The following QRICH2 variants were observed in gnomAD, a reference collection of about 807,000 sequenced individuals.
QRICH2 encodes the protein glutamine rich 2.
Under a neutral mutation model 168.3 loss-of-function variants are expected in QRICH2, and 119 were observed. The observed-to-expected ratio is 0.71, with a 90% confidence interval of 0.61 to 0.82. QRICH2 has a LOEUF of 0.82. Among genes scored for constraint, QRICH2 ranks in the 40% least tolerant of loss-of-function variants. QRICH2 has a pLI of 0.00. For synonymous variants in QRICH2, 894 were observed against 951.2 expected (o/e 0.94, Z 1.11); for missense variants, 2,241 against 2,491.6 (o/e 0.90, Z 2.14).
At position 76,308,276 on chromosome 17, in the gene QRICH2, T is replaced by C. The variant is rs1314353705; in HGVS notation, c.-278A>G. On this transcript the variant is annotated 5_prime_UTR_variant, in exon 1 of 19. Coordinates refer to ENST00000680821, the MANE Select transcript of QRICH2 (RefSeq NM_001388453.1). ...CCCAGTCCCCGCGCCGGCGGACGTT[T>C]GAAACGTGGGGGCCCCCGCGTGCCC... 9.1e-6 allele frequency: 9 copies of C among 985,234 alleles called. No individual in the cohort carries two copies. Among genetic ancestry groups the C allele is most frequent in the East Asian group, 1.1e-4 (1 of 8,812 alleles). The allele number at this position is 985,234 out of a possible 1,614,324, so 61.0% of individuals were successfully genotyped here. A position where few individuals can be genotyped will look rare whatever the true frequency, so the allele number is the denominator to read the frequency against.
At chr17:76,305,121 T>G (rs959902681) in intron 1 of QRICH2, among the ~76,000 whole-genome samples, 180 bp from the exon 2 acceptor site, 3 of 150,918 alleles carry the variant, frequency 2.0e-5, no homozygotes, top group Middle Eastern at 7.1e-3. Flanking sequence ...GTGGCTCTTA[T>G]GGAAAGGGAG....
intron 12 of QRICH2, 35 bp downstream of exon 12, chr17:76,279,998 C>A (rs762882341): frequency 3.2e-6 from 5 of 1,571,192 alleles, no homozygotes; most frequent in Non-Finnish European, 4.3e-6. Context: ...CCCTGAAGAG[C>A]GTGCCAGCCT....
chr17:76,293,601 C>T lies in QRICH2; in HGVS notation c.1126G>A (p.Val376Met). The change falls in exon 4 of 19, where the codon GTG becomes ATG. Residue 376 changes from valine to methionine, a missense_variant. Physicochemically the swap from Val to Met is conservative, Grantham distance 21. Around this residue, in one of 3 missense-constraint regions of QRICH2, gnomAD observed 2,047 missense variants for 2,303.8 expected, o/e 0.89. Transcript: ENST00000680821. ...LPLARDQPSS[V>M]PASQSQVHLR... is the part of the protein sequence containing the mutation. ...TGGACCTGACTCTGGCTAGCGGGCA[C>T]ACTACTGGGCTGGTCTCTGGCCAAG... The T allele has an allele frequency of 6.2e-7, 1 of 1,614,176 alleles. No homozygotes were observed. The highest frequency in any genetic ancestry group is 8.5e-7 in the Non-Finnish European group (1 of 1,180,034).
chr17:76,294,045 T>A lies in QRICH2; in HGVS notation c.706-24A>T, dbSNP rs767840231. ...CCCTGGTTGGAGAGGAAGAAGGAAATCAATAACAGTCAAAATATTCACTAT... is the reference window on the plus strand; with the variant it reads ...CCCTGGTTGGAGAGGAAGAAGGAAAACAATAACAGTCAAAATATTCACTAT... On this transcript the variant is annotated intron_variant, in intron 3 of 18. Transcript: ENST00000680821. 1.5e-5 allele frequency: 23 copies of A among 1,560,594 alleles called. No homozygotes were observed. In the African/African-American group the frequency reaches 2.9e-4, roughly 20 times the overall value.
At chr17:76,275,651 G>A (rs1321337889) in intron 18 of QRICH2, among the ~76,000 whole-genome samples, 168 bp downstream of exon 18, 1 of 152,230 alleles carries the variant, frequency 6.6e-6, no homozygotes, top group Non-Finnish European at 1.5e-5. Flanking sequence ...CCCAGAAGGG[G>A]CACAAATCAC....
In QRICH2 at chr17:76,307,989, C is replaced by T; in HGVS notation, c.10G>A (p.Ala4Thr). Residue 4 changes from alanine (A) to threonine (T), a missense_variant, in exon 1 of 19, where the codon GCG becomes ACG. Around this residue, in one of 3 missense-constraint regions of QRICH2, gnomAD observed 2,047 missense variants for 2,303.8 expected, o/e 0.89. Transcript: ENST00000680821. This position sits in a 1 kb window ranked among gnomAD's most constrained non-coding sequence, Gnocchi z 5.3. Reference protein sequence around the residue: MPPATTVSLRELAD... With the variant: MPPTTTVSLRELAD... ...AGCTCCCGGAGGGAGACCGTGGTCG[C>T]GGGCGGCATCGTGGCTGTCAGGAGC... 8.1e-7 allele frequency: 1 copy of T among 1,232,910 alleles called. No individual in the cohort carries two copies. The highest frequency in any genetic ancestry group is 1.0e-6 in the Non-Finnish European group (1 of 988,322). 76.4% of individuals were successfully genotyped at this position (1,232,910 alleles called of 1,614,324 possible). A position where few individuals can be genotyped will look rare whatever the true frequency, so the allele number is the denominator to read the frequency against.
chr17:76,305,079 A>G (rs966063997), intron 1 of QRICH2, 138 bp from the exon 2 acceptor site: 3 of 688,888 alleles, frequency 4.4e-6, no homozygotes, highest in East Asian at 2.7e-5. Flanking sequence ...ACACTGACTC[A>G]GTGCCAGGAG....
chr17:76,292,214 TGAA>T lies in QRICH2; in HGVS notation c.2510_2512del (p.Val837_Gln838delinsGlu). The T allele has an allele frequency of 6.6e-7, 1 of 1,524,304 alleles. No individual in the cohort carries two copies. The allele number at this position is 1,524,304 out of a possible 1,614,324, so 94.4% of individuals were successfully genotyped here. A position where few individuals can be genotyped will look rare whatever the true frequency, so the allele number is the denominator to read the frequency against. On this transcript the variant is annotated inframe_deletion, in exon 4 of 19. Coordinates refer to ENST00000680821, the MANE Select transcript of QRICH2 (RefSeq NM_001388453.1). ...TGCACCAGGTTGGACCAAACCACGC[TGAA>T]CTGCACCAGGTTGAACCAAACCACG... is the stretch of plus-strand genomic sequence containing the variant.
At position 76,291,240 on chromosome 17, in the gene QRICH2, G is replaced by T; in HGVS notation, c.3487C>A (p.Arg1163=). The change falls in exon 4 of 19, where the codon CGA becomes AGA. Residue 1163 remains arginine, a synonymous_variant. Transcript: ENST00000680821. The stretch of plus-strand genomic sequence containing the variant: ...ACTTCGCTCCCTTCTGATAAGACTC[G>T]GTCGACGGAGTCTGGACTCCTGAAA... ...TLFRSPDSVD[R]VLSEGSEVSS... is the part of the protein sequence containing the mutation. 1 of 1,614,168 alleles carries T rather than the reference G, an allele frequency of 6.2e-7. No individual in the cohort carries two copies. The highest frequency in any genetic ancestry group is 2.2e-5 in the East Asian group (1 of 44,886).
chr17:76,282,219 G>T, intron 7 of QRICH2, 104 bp from the exon 8 acceptor site: 2 of 1,407,964 alleles, frequency 1.4e-6, no homozygotes, highest in Non-Finnish European at 1.9e-6. Flanking sequence ...CCCCTGTCGT[G>T]CCCTGGGCAG....
chr17:76,305,339 AT>A (rs1013709111), intron 1 of QRICH2, among the ~76,000 whole-genome samples: 1 of 151,460 alleles, frequency 6.6e-6, no homozygotes, highest in East Asian at 1.9e-4. Flanking sequence ...AATTTTAAAC[AT>A]TTTTTTGTAG....
chr17:76,276,602 A>G, intron 17 of QRICH2, 78 bp downstream of exon 17: 2 of 1,064,222 alleles, frequency 1.9e-6, no homozygotes, highest in East Asian at 2.4e-5. Context: ...GTGGCCCATA[A>G]AAGTGCCAGG....
At position 76,292,159 on chromosome 17, in the gene QRICH2, T is replaced by C. The variant is rs539373741; in HGVS notation, c.2568A>G (p.Ala856=). 23 of 1,494,134 alleles carry C rather than the reference T, an allele frequency of 1.5e-5. No homozygotes were observed. The highest frequency in any genetic ancestry group is 1.8e-4 in the Middle Eastern group (1 of 5,658). 92.6% of individuals were successfully genotyped at this position (1,494,134 alleles called of 1,614,324 possible). ...CAGGTTGGACCAAACCACGCTGATCTGCACCAGGTTGGACCAAACCATGCT... is the reference window on the plus strand; with the variant it reads ...CAGGTTGGACCAAACCACGCTGATCCGCACCAGGTTGGACCAAACCATGCT... ...AVQHGLVQPG[A]DQRGLVQPGV... Residue 856 remains alanine (A), a synonymous_variant, in exon 4 of 19, where the codon GCA becomes GCG. Transcript: ENST00000680821.
At chr17:76,279,970 G>A in intron 12 of QRICH2, 63 bp downstream of exon 12, 11 of 1,478,922 alleles carry the variant, frequency 7.4e-6, no homozygotes, top group South Asian at 3.9e-5. Context: ...GAGACCCCCA[G>A]CCCCCTCTGC....
At chr17:76,294,606 A>G (rs886521913) in intron 3 of QRICH2, among the ~76,000 whole-genome samples, 15 of 151,978 alleles carry the variant, frequency 9.9e-5, no homozygotes, top group Non-Finnish European at 1.2e-4. Context: ...TGAGGTCAGG[A>G]CTTTGAGACC....
intron 1 of QRICH2, among the ~76,000 whole-genome samples, chr17:76,305,181 T>TTTTTG (rs2070973104): frequency 1.3e-5 from 2 of 148,382 alleles, no homozygotes; most frequent in African/African-American, 5.0e-5. Flanking sequence ...TTTTTTTTTT[T>TTTTTG]GAGACAGGGT....
Position 76,280,554 on chromosome 17 carries a change from C to G in QRICH2, c.4461+100G>C. The G allele has an allele frequency of 6.3e-7, 1 of 1,591,348 alleles. No homozygotes were observed. Among genetic ancestry groups the G allele is most frequent in the African/African-American group, 1.3e-5 (1 of 74,554 alleles). On this transcript the variant is annotated intron_variant, in intron 10 of 18. Transcript: ENST00000680821. The surrounding 1 kb of genome is among the most constrained non-coding windows in gnomAD (Gnocchi z 7.4). ...CTATCACCAGGCAGGTTTCTGAGAG[C>G]CCACACTCGTCTCGCCAGCTCCCCT...
At chr17:76,286,549 T>A (rs187261619) in intron 7 of QRICH2, among the ~76,000 whole-genome samples, 1 of 152,268 alleles carries the variant, frequency 6.6e-6, no homozygotes, top group East Asian at 1.9e-4. Context: ...CTGGGGTGAT[T>A]AAATGTTTTG....
chr17:76,277,802 A>G (rs1290629992), intron 15 of QRICH2, among the ~76,000 whole-genome samples, 187 bp downstream of exon 15: 1 of 151,650 alleles, frequency 6.6e-6, no homozygotes, highest in Non-Finnish European at 1.5e-5. Flanking sequence ...ACATTGACAC[A>G]CCCATAGACA....
Sources: gnomAD v4.1 joint callset for allele counts (sites outside exome capture counted in the v4.1 genomes callset) on GRCh38, gnomAD v4.1.1 for gene constraint, gnomAD v4.1.1 regional missense constraint, Gnocchi (gnomAD v3.1) non-coding constraint, MANE v1.5 for transcripts, NCBI Gene and HGNC (gene_info 2026-07-23, HGNC 2026-07-21) for gene names.